PRUNE2: variants seen among roughly 807,000 people sequenced by gnomAD.
PRUNE2 encodes the protein prune homolog 2 with BCH domain, also known as protein prune homolog 2.
PRUNE2 carries 164 observed loss-of-function variants against 252.0 expected under a neutral mutation model. That is an observed-to-expected ratio of 0.65 (90% CI 0.57 to 0.74). PRUNE2 has a LOEUF of 0.74. PRUNE2 is among the 30% of genes least tolerant of loss of function. The pLI is 0.00. For synonymous variants in PRUNE2, 1,292 were observed against 1,350.2 expected (o/e 0.96, Z 0.94); for missense variants, 3,495 against 3,711.0 (o/e 0.94, Z 1.51).
At chr9:76,731,245 T>TAC (rs921317950) in intron 6 of PRUNE2, among the ~76,000 whole-genome samples, 144 of 149,920 alleles carry the variant, frequency 9.6e-4, no homozygotes, top group African/African-American at 2.9e-3. Flanking sequence ...AACACACACA[T>TAC]ACACACACAC....
intron 12 of PRUNE2, 125 bp downstream of exon 12, chr9:76,644,614 G>T: frequency 1.2e-6 from 1 of 862,910 alleles, no homozygotes; most frequent in Non-Finnish European, 1.9e-6. Context: ...ATAGTTCCCT[G>T]AATATTGGCT....
chr9:76,752,138 C>G (rs1564214370), intron 6 of PRUNE2, among the ~76,000 whole-genome samples: 1 of 150,736 alleles, frequency 6.6e-6, no homozygotes, highest in Non-Finnish European at 1.5e-5. Flanking sequence ...CACTCTGTCG[C>G]CCAGGCTGGA....
chr9:76,753,474 G>T (rs1230928636), intron 6 of PRUNE2, among the ~76,000 whole-genome samples: 1 of 152,134 alleles, frequency 6.6e-6, no homozygotes, highest in East Asian at 1.9e-4. Flanking sequence ...TCTCTGTCAG[G>T]AGTAATAAGG....
At chr9:76,856,169 G>A (rs1472240686) in intron 1 of PRUNE2, among the ~76,000 whole-genome samples, 1 of 152,184 alleles carries the variant, frequency 6.6e-6, no homozygotes, top group Non-Finnish European at 1.5e-5. Flanking sequence ...AGTCTGTGAT[G>A]GACCAGGGTG....
rs1425701015 is a variant in PRUNE2, at chr9:76,849,557, G to A, written c.344+906C>T. 5.3e-5 allele frequency among the ~76,000 whole-genome samples: 8 copies of A among 152,144 alleles called. 1 individual carries two copies. ...ACTATAATTTTAGGCCAGGTGTGAT[G>A]GCTCACACCTGTAATCCCAGCACTT... On this transcript the variant is annotated intron_variant, in intron 3 of 18. Coordinates refer to ENST00000376718, the MANE Select transcript of PRUNE2 (RefSeq NM_015225.3).
Position 76,872,383 on chromosome 9 carries a change from G to A in PRUNE2, c.37-18175C>T, listed in dbSNP as rs115328165. On this transcript the variant is annotated intron_variant, in intron 1 of 18. Coordinates refer to ENST00000376718, the MANE Select transcript of PRUNE2 (RefSeq NM_015225.3). ...CTACAAATACAGTACAATTACTTAC[G>A]CATTACAAGTCATGGAAGAACAATG... Among the ~76,000 whole-genome samples the A allele has an allele frequency of 4.5e-3, 692 of 152,192 alleles. 9 individuals carry two copies. The highest frequency in any genetic ancestry group is 0.016 in the African/African-American group (658 of 41,504).
intron 4 of PRUNE2, among the ~76,000 whole-genome samples, chr9:76,833,379 T>G (rs952890390): frequency 2.6e-5 from 4 of 152,200 alleles, no homozygotes; most frequent in Non-Finnish European, 5.9e-5. Context: ...GTAGTAAAAC[T>G]ACTTCAGAAA....
chr9:76,834,206 C>G (rs970838768), intron 4 of PRUNE2, among the ~76,000 whole-genome samples: 3 of 152,032 alleles, frequency 2.0e-5, no homozygotes, highest in African/African-American at 7.2e-5. Context: ...TATTCTTATT[C>G]TTACTCAACA....
chr9:76,632,226 C>T (rs896272135), intron 15 of PRUNE2, among the ~76,000 whole-genome samples: 2 of 152,316 alleles, frequency 1.3e-5, no homozygotes, highest in Non-Finnish European at 2.9e-5. Flanking sequence ...CTCCAAACTG[C>T]CAATAACTCA....
chr9:76,652,853 A>G (rs1427162183), intron 10 of PRUNE2, among the ~76,000 whole-genome samples, 170 bp from the exon 11 acceptor site: 1 of 152,182 alleles, frequency 6.6e-6, no homozygotes, highest in Non-Finnish European at 1.5e-5. Context: ...TGAATTTGGG[A>G]TGTTCAGCCA....
At chr9:76,644,184 C>T (rs1285807631) in intron 12 of PRUNE2, among the ~76,000 whole-genome samples, 1 of 152,108 alleles carries the variant, frequency 6.6e-6, no homozygotes, top group Admixed American at 6.6e-5. Flanking sequence ...TCTCACCAAA[C>T]AGGTGGAGGC....
At chr9:76,805,212 CA>C (rs537275980) in intron 6 of PRUNE2, among the ~76,000 whole-genome samples, 5 of 152,368 alleles carry the variant, frequency 3.3e-5, no homozygotes, top group African/African-American at 1.2e-4. Context: ...CCCCCCACCG[CA>C]TGCAAGTGAG....
In PRUNE2 at chr9:76,788,602, C is replaced by T. The variant is rs758971528; in HGVS notation, c.756+35030G>A. ...GTATTGAATAAATGCACAAAGAGCA[C>T]TTAAAGCAGTGCTTGACACAACTTA... On this transcript the variant is annotated intron_variant, in intron 6 of 18. Transcript: ENST00000376718. 4.4e-6 allele frequency: 3 copies of T among 686,392 alleles called. No homozygotes were observed. The African/African-American group carries it at 5.3e-5, about 12-fold the overall frequency. The allele number at this position is 686,392 out of a possible 1,614,324, so 42.5% of individuals were successfully genotyped here.
intron 6 of PRUNE2, among the ~76,000 whole-genome samples, chr9:76,744,169 C>T (rs568786691): frequency 3.7e-4 from 56 of 152,174 alleles, no homozygotes; most frequent in African/African-American, 1.1e-3. Context: ...TCTGCAGATG[C>T]GTCTCCTATG....
chr9:76,740,630 T>C (rs2049532580), intron 6 of PRUNE2, among the ~76,000 whole-genome samples: 1 of 152,168 alleles, frequency 6.6e-6, no homozygotes, highest in African/African-American at 2.4e-5. Context: ...AAAACATCTA[T>C]TGGTTCTCAA....
chr9:76,878,742 A>G (rs1244141343), intron 1 of PRUNE2, among the ~76,000 whole-genome samples: 2 of 152,038 alleles, frequency 1.3e-5, no homozygotes, highest in East Asian at 3.9e-4. Context: ...AAATCCTACT[A>G]CTTTGTCCTG....
intron 6 of PRUNE2, among the ~76,000 whole-genome samples, chr9:76,718,736 T>C (rs1038537363): frequency 2.6e-5 from 4 of 152,146 alleles, no homozygotes; most frequent in Non-Finnish European, 5.9e-5. Context: ...AAACCATTTG[T>C]CTGCCACTGA....
At chr9:76,832,181 A>C (rs2058707989) in intron 4 of PRUNE2, among the ~76,000 whole-genome samples, 1 of 152,300 alleles carries the variant, frequency 6.6e-6, no homozygotes, top group African/African-American at 2.4e-5. Context: ...ATTTTAACAC[A>C]TCTCTCGCAG....
At chr9:76,774,932 C>T (rs1206091540) in intron 6 of PRUNE2, among the ~76,000 whole-genome samples, 6 of 152,106 alleles carry the variant, frequency 3.9e-5, no homozygotes, top group Non-Finnish European at 7.4e-5. Context: ...GCTTCTATTT[C>T]CTCATCTATG....
Sources: allele counts gnomAD v4.1 joint callset (sites outside exome capture counted in the v4.1 genomes callset), GRCh38; gene constraint gnomAD v4.1.1; transcripts MANE v1.5; gene names NCBI Gene and HGNC (gene_info 2026-07-23, HGNC 2026-07-21).